CYREN: variants seen among roughly 807,000 people sequenced by gnomAD.
The protein encoded by CYREN is cell cycle regulator of NHEJ, also known as cell cycle regulator of non-homologous end joining.
CYREN carries 7 observed loss-of-function variants against 9.7 expected under a neutral mutation model. That is an observed-to-expected ratio of 0.72 (90% CI 0.41 to 1.36). The LOEUF (loss-of-function observed/expected upper bound fraction) is 1.36, where lower values mean the gene tolerates loss of function less well. Ranked by LOEUF, CYREN falls within the 40% of genes most tolerant of loss-of-function variation. CYREN has a pLI of 0.01. For synonymous variants in CYREN, 76 were observed against 77.9 expected (o/e 0.98, Z 0.13); for missense variants, 215 against 198.1 (o/e 1.09, Z -0.51).
Position 135,098,319 on chromosome 7 carries a change from A to T in CYREN, n.357-3737T>A, listed in dbSNP as rs544163285. On this transcript the variant is annotated intron_variant and non_coding_transcript_variant, in intron 2 of 2. Transcript: ENST00000459937. ...ATGGCATAGTGTTTGCATATAACCTATGCATATCCTCCAGTATGCTTTAAG... is the reference window on the plus strand; with the variant it reads ...ATGGCATAGTGTTTGCATATAACCTTTGCATATCCTCCAGTATGCTTTAAG... Among the ~76,000 whole-genome samples, 4 of 152,304 alleles carry T rather than the reference A, an allele frequency of 2.6e-5. No individual in the cohort carries two copies. The South Asian group carries it at 8.3e-4, about 32-fold the overall frequency.
chr7:135,150,832 G>A (rs979170645), intron 2 of CYREN, among the ~76,000 whole-genome samples: 2 of 152,090 alleles, frequency 1.3e-5, no homozygotes, highest in African/African-American at 2.4e-5. Context: ...TTCCACCCTG[G>A]GTGACAGAGC....
chr7:135,111,123 C>G (rs1410795885), intron 2 of CYREN, among the ~76,000 whole-genome samples: 1 of 152,094 alleles, frequency 6.6e-6, no homozygotes, highest in African/African-American at 2.4e-5. Flanking sequence ...AAACAAAAAC[C>G]AGAGAGGCCA....
intron 2 of CYREN, chr7:135,135,469 A>C: frequency 2.6e-6 from 1 of 384,854 alleles, no homozygotes; most frequent in Non-Finnish European, 4.6e-6. Flanking sequence ...AAAATATGGA[A>C]AAATATTAAA....
At chr7:135,096,750 A>T (rs867903154) in intron 2 of CYREN, among the ~76,000 whole-genome samples, 5 of 119,542 alleles carry the variant, frequency 4.2e-5, no homozygotes, top group Non-Finnish European at 9.1e-5. Context: ...AATGAAAGAA[A>T]GAAAGAAAGA....
chr7:135,097,044 T>C (rs764883455), intron 2 of CYREN, among the ~76,000 whole-genome samples: 9 of 152,194 alleles, frequency 5.9e-5, no homozygotes, highest in Non-Finnish European at 8.8e-5. Context: ...CAATGCTCAG[T>C]TGAACATAAT....
chr7:135,144,871 T>C (rs918049915), intron 2 of CYREN, among the ~76,000 whole-genome samples: 13 of 132,742 alleles, frequency 9.8e-5, no homozygotes, highest in Non-Finnish European at 1.4e-4. Context: ...AGGTCAAGGC[T>C]GCAATAAGCT....
chr7:135,156,203 T>G (rs1000057053), intron 2 of CYREN, among the ~76,000 whole-genome samples: 4 of 152,202 alleles, frequency 2.6e-5, no homozygotes, highest in African/African-American at 9.6e-5. Flanking sequence ...CTTCAGACAT[T>G]TTGAATATGC....
At chr7:135,111,781 C>A (rs1054119251) in intron 2 of CYREN, among the ~76,000 whole-genome samples, 3 of 152,154 alleles carry the variant, frequency 2.0e-5, no homozygotes, top group African/African-American at 7.2e-5. Context: ...AGTAGTCCAT[C>A]CTTTGGTCTT....
At chr7:135,093,946 T>G (rs1351906557) in exon 3 of CYREN, 2 of 168,838 alleles carry the variant, frequency 1.2e-5, no homozygotes, top group African/African-American at 4.8e-5. Flanking sequence ...AACCTTTATA[T>G]ATATTTCAAT....
intron 2 of CYREN, among the ~76,000 whole-genome samples, chr7:135,095,685 A>C (rs1822561099): frequency 6.6e-6 from 1 of 152,252 alleles, no homozygotes. Context: ...AATTGGATAC[A>C]TCATAGATTA....
intron 2 of CYREN, among the ~76,000 whole-genome samples, chr7:135,132,592 T>C (rs1489259738): frequency 6.6e-6 from 1 of 152,116 alleles, no homozygotes; most frequent in Non-Finnish European, 1.5e-5. Context: ...ATTGTAATAA[T>C]CCCCACGTGT....
rs530592534 is a variant in CYREN, at chr7:135,115,176, C to T, written n.357-20594G>A. Among the ~76,000 whole-genome samples, 31 of 152,266 alleles carry T rather than the reference C, an allele frequency of 2.0e-4. No individual in the cohort carries two copies. In the South Asian group the frequency reaches 3.9e-3, roughly 19 times the overall value. On this transcript the variant is annotated intron_variant and non_coding_transcript_variant, in intron 2 of 2. Transcript: ENST00000459937. ...CCCTCAAGAATTCTCTACTCCCCTC[C>T]GCAGCTTTACTTTATCCCGTAAACT... is the stretch of plus-strand genomic sequence containing the variant.
chr7:135,135,186 T>C (rs1474305189), intron 2 of CYREN: 1 of 1,548,922 alleles, frequency 6.5e-7, no homozygotes, highest in East Asian at 2.4e-5. Context: ...TCCATCTAAC[T>C]AAAAATAAGG....
exon 3 of CYREN, chr7:135,093,183 C>T (rs1822116259): frequency 6.6e-6 from 1 of 151,582 alleles, no homozygotes; most frequent in East Asian, 1.9e-4. Flanking sequence ...AAGGCTTCAG[C>T]CGGGCAATAA....
rs1830142545 is a variant in CYREN at position 135,166,476 on chromosome 7, T to C, written c.*135A>G. 2 of 1,413,126 alleles carry C rather than the reference T, an allele frequency of 1.4e-6. No individual in the cohort carries two copies. Among genetic ancestry groups the C allele is most frequent in the South Asian group, 1.5e-5 (1 of 67,728 alleles). The allele number at this position is 1,413,126 out of a possible 1,614,324, so 87.5% of individuals were successfully genotyped here. On this transcript the variant is annotated 3_prime_UTR_variant, in exon 4 of 4. Transcript: ENST00000393114. ...AGGGGCTTCTGGCCTGAGGTGAATC[T>C]GCCAGGCCCAAGAAGGCACAAAGGT...
At chr7:135,164,633 T>A, downstream of CYREN, 1 of 1,613,454 alleles carries the variant, frequency 6.2e-7, no homozygotes, top group Non-Finnish European at 8.5e-7. Context: ...CCCTACAGTG[T>A]CACCAGTTCC....
intron 2 of CYREN, among the ~76,000 whole-genome samples, chr7:135,152,126 A>G (rs1428032717): frequency 6.6e-6 from 1 of 152,250 alleles, no homozygotes; most frequent in Non-Finnish European, 1.5e-5. Flanking sequence ...AACATCTACA[A>G]AATAAGTTAT....
chr7:135,164,584 GCTTCTATAA>G, downstream of CYREN: 1 of 1,614,230 alleles, frequency 6.2e-7, no homozygotes, highest in Non-Finnish European at 8.5e-7. Flanking sequence ...CTGAGAATCG[GCTTCTATAA>G]CTTCTGCCTG....
Position 135,169,123 on chromosome 7 carries a change from T to C in CYREN, c.-138-63A>G. The C allele has an allele frequency of 8.8e-6, 5 of 568,280 alleles. No homozygotes were observed. In the South Asian group the frequency reaches 1.1e-4, roughly 12 times the overall value. The allele number at this position is 568,280 out of a possible 1,614,324, so 35.2% of individuals were successfully genotyped here. A position where few individuals can be genotyped will look rare whatever the true frequency, so the allele number is the denominator to read the frequency against. On this transcript the variant is annotated intron_variant, in intron 1 of 3. Coordinates refer to ENST00000393114, the MANE Select transcript of CYREN (RefSeq NM_024033.4). ...TCCAGTCATCAGGCACAGTTACTGG[T>C]CGGTGCAGGGCAGGCCAGAAGTGAC... is the stretch of plus-strand genomic sequence containing the variant.
Sources: allele counts gnomAD v4.1 joint callset (sites outside exome capture counted in the v4.1 genomes callset), GRCh38; gene constraint gnomAD v4.1.1; transcripts MANE v1.5; gene names NCBI Gene and HGNC (gene_info 2026-07-23, HGNC 2026-07-21).